DYSF: variants seen among roughly 807,000 people sequenced by gnomAD.
DYSF encodes dystrophy-associated fer-1-like 1.
DYSF carries 212 observed loss-of-function variants against 274.9 expected under a neutral mutation model. The ratio of observed to expected loss-of-function variants is 0.77; its 90% CI spans 0.69 to 0.86. The LOEUF (loss-of-function observed/expected upper bound fraction) is 0.86. Ranked by LOEUF, DYSF falls within the 40% of genes least tolerant of loss-of-function variation. DYSF has a pLI of 0.00. For synonymous variants in DYSF, 1,091 were observed against 1,078.7 expected (o/e 1.01, Z -0.22); for missense variants, 2,666 against 2,783.2 (o/e 0.96, Z 0.95).
At chr2:71,519,788 G>T (rs1373974516) in intron 10 of DYSF, among the ~76,000 whole-genome samples, 1 of 150,284 alleles carries the variant, frequency 6.7e-6, no homozygotes, top group Non-Finnish European at 1.5e-5. Flanking sequence ...GGAATTACAG[G>T]CATGCACCAC....
intron 17 of DYSF, among the ~76,000 whole-genome samples, chr2:71,546,425 T>C (rs754068100): frequency 6.6e-5 from 10 of 152,264 alleles, no homozygotes; most frequent in Non-Finnish European, 1.5e-4. Flanking sequence ...TTTTCTGTTT[T>C]TGTTTTTGTT....
intron 30 of DYSF, 78 bp downstream of exon 30, chr2:71,574,449 A>G (rs2092632729): frequency 3.2e-6 from 5 of 1,541,800 alleles, no homozygotes; most frequent in South Asian, 2.4e-5. Flanking sequence ...GATGTGGGAG[A>G]GGCACAGGGA....
intron 12 of DYSF, among the ~76,000 whole-genome samples, chr2:71,522,436 G>GGGCA (rs1257853805): frequency 2.0e-5 from 3 of 152,040 alleles, no homozygotes; most frequent in African/African-American, 7.3e-5. Flanking sequence ...TTCGATTCTG[G>GGGCA]AGCCCACGCC....
chr2:71,513,945 C>G, intron 7 of DYSF, 24 bp downstream of exon 7: 1 of 1,613,720 alleles, frequency 6.2e-7, no homozygotes, highest in South Asian at 1.1e-5. Context: ...TTTCTCTGAC[C>G]CCAGGCTCCT....
intron 40 of DYSF, among the ~76,000 whole-genome samples, chr2:71,618,326 GATGGGGTGTGTGT>G (rs1425980488): frequency 0.014 from 961 of 69,200 alleles, 2 homozygotes; most frequent in Middle Eastern, 0.029. Context: ...GTGTGGTAGA[GATGGGGTGTGTGT>G]GTGGTAGAGG....
intron 17 of DYSF, among the ~76,000 whole-genome samples, chr2:71,547,658 A>T (rs1318723923): frequency 3.3e-5 from 5 of 151,508 alleles, no homozygotes; most frequent in South Asian, 2.1e-4. Flanking sequence ...AATAAATAAA[A>T]AGAAAGAAAG....
Position 71,515,645 on chromosome 2 carries a change from G to T in DYSF, c.782G>T (p.Gly261Val). The T allele has an allele frequency of 6.2e-7, 1 of 1,613,934 alleles. No individual in the cohort carries two copies. The highest frequency in any genetic ancestry group is 8.5e-7 in the Non-Finnish European group (1 of 1,179,922). ...CAGATCAGGGTCCAGGTGATCGAGG[G>T]GCGCCAGCTGCCGGGGGTGAACATC... ...DFQIRVQVIEGRQLPGVNIKP... is the reference protein window; with the variant it reads ...DFQIRVQVIEVRQLPGVNIKP... Residue 261 changes from glycine (G) to valine (V), a missense_variant, in exon 8 of 56, where the codon GGG becomes GTG. Physicochemically the swap from Gly to Val is moderately radical, Grantham distance 109 (BLOSUM62 -3). Transcript: ENST00000410020.
chr2:71,597,888 C>T (rs1466214665), intron 32 of DYSF, among the ~76,000 whole-genome samples: 3 of 152,134 alleles, frequency 2.0e-5, no homozygotes, highest in African/African-American at 4.8e-5. Flanking sequence ...CAGAACTGGT[C>T]TCCCTAGACC....
At chr2:71,602,668 T>C in intron 35 of DYSF, 108 bp from the exon 36 acceptor site, 1 of 1,222,994 alleles carries the variant, frequency 8.2e-7, no homozygotes, top group Non-Finnish European at 1.2e-6. Flanking sequence ...TCTGGCATGC[T>C]GACCTCTGGC....
chr2:71,479,230 T>C (rs899571683), intron 1 of DYSF, among the ~76,000 whole-genome samples: 1 of 136,960 alleles, frequency 7.3e-6, no homozygotes, highest in African/African-American at 2.6e-5. Flanking sequence ...CCATCGTTTC[T>C]TTTCCTGATG....
intron 3 of DYSF, among the ~76,000 whole-genome samples, chr2:71,484,719 T>A (rs1160068433): frequency 6.6e-6 from 1 of 152,166 alleles, no homozygotes; most frequent in Non-Finnish European, 1.5e-5. Context: ...AAGTTCAATT[T>A]TTTAAAAATT....
intron 10 of DYSF, 59 bp downstream of exon 10, chr2:71,517,098 T>G: frequency 6.6e-7 from 1 of 1,509,920 alleles, no homozygotes. Context: ...TGGTGGAGCC[T>G]CTGTGGACCA....
chr2:71,658,863 C>G lies in DYSF; in HGVS notation c.4756-15C>G, dbSNP rs1455354864. ...ATGATGATAAAAATGAAAATTAACC[C>G]TTCCTTCTTTTCAGGGCCTCTTCAA... On this transcript the variant is annotated splice_polypyrimidine_tract_variant and intron_variant, in intron 43 of 55. Coordinates refer to ENST00000410020, the MANE Select transcript of DYSF (RefSeq NM_001130987.2). The G allele has an allele frequency of 1.9e-6, 3 of 1,614,086 alleles. No homozygotes were observed. The highest frequency in any genetic ancestry group is 2.5e-6 in the Non-Finnish European group (3 of 1,179,996).
intron 24 of DYSF, 54 bp from the exon 25 acceptor site, chr2:71,567,897 G>A: frequency 6.2e-7 from 1 of 1,604,666 alleles, no homozygotes. Context: ...CCTCTCACTG[G>A]GACATCCGGA....
chr2:71,592,746 G>A (rs987962190), intron 32 of DYSF, among the ~76,000 whole-genome samples: 2 of 152,212 alleles, frequency 1.3e-5, no homozygotes, highest in Non-Finnish European at 2.9e-5. Context: ...GGCTCTCTGG[G>A]CCTTTCCCCG....
chr2:71,598,638 T>C lies in DYSF; in HGVS notation c.3649T>C (p.Trp1217Arg). Residue 1217 changes from tryptophan to arginine, a missense_variant, in exon 33 of 56, where the codon TGG becomes CGG. Coordinates refer to ENST00000410020, the MANE Select transcript of DYSF (RefSeq NM_001130987.2). ...VVVKNTLNPT[W>R]DQTLIFYEIE... is the part of the protein sequence containing the mutation. ...GGTGAAGAACACCCTTAACCCCACCTGGGACCAGACGCTCATCTTCTACGA... is the reference window on the plus strand; with the variant it reads ...GGTGAAGAACACCCTTAACCCCACCCGGGACCAGACGCTCATCTTCTACGA... 1 of 1,614,184 alleles carries C rather than the reference T, an allele frequency of 6.2e-7. No homozygotes were observed. Among genetic ancestry groups the C allele is most frequent in the Non-Finnish European group, 8.5e-7 (1 of 1,180,048 alleles).
intron 44 of DYSF, 84 bp from the exon 45 acceptor site, chr2:71,660,476 C>T (rs1025109749): frequency 4.2e-6 from 5 of 1,192,320 alleles, no homozygotes; most frequent in Non-Finnish European, 6.3e-6. Context: ...GCTCCCTCAT[C>T]CCATCCAGAG....
intron 41 of DYSF, among the ~76,000 whole-genome samples, chr2:71,624,440 G>A (rs2094168544): frequency 6.6e-6 from 1 of 152,072 alleles, no homozygotes; most frequent in Admixed American, 6.5e-5. Context: ...TTGATATCGG[G>A]GTTATACTAG....
chr2:71,453,612 C>T (rs2080929711), exon 1 of DYSF: 1 of 339,708 alleles, frequency 2.9e-6, no homozygotes, highest in Admixed American at 4.0e-5. Context: ...CTAGTCCAGC[C>T]CCCGGCCATC....
Sources: gnomAD v4.1 joint callset for allele counts (sites outside exome capture counted in the v4.1 genomes callset) on GRCh38, gnomAD v4.1.1 for gene constraint, MANE v1.5 for transcripts, NCBI Gene and HGNC (gene_info 2026-07-23, HGNC 2026-07-21) for gene names.